EYS: variants seen among roughly 807,000 people sequenced by gnomAD.
EYS encodes protein eyes shut homolog.
Under a neutral mutation model 282.1 loss-of-function variants are expected in EYS, and 250 were observed. That is an observed-to-expected ratio of 0.89 (90% CI 0.80 to 0.98). EYS has a LOEUF of 0.98. Ranked by LOEUF, EYS falls within the 50% of genes least tolerant of loss-of-function variation. The pLI is 0.00. For missense variants in EYS, 4,016 were observed against 3,709.0 expected, an observed-to-expected ratio of 1.08 and a Z score of -2.15; for synonymous variants, 1,355 against 1,282.9, an observed-to-expected ratio of 1.06 and a Z score of -1.20.
At chr6:64,579,699 C>G (rs1431954698) in intron 26 of EYS, among the ~76,000 whole-genome samples, 3 of 152,082 alleles carry the variant, frequency 2.0e-5, no homozygotes, top group African/African-American at 7.2e-5. Flanking sequence ...AATGCCCATT[C>G]TCATTCATAT....
chr6:64,571,941 C>A (rs952456440), intron 26 of EYS, among the ~76,000 whole-genome samples: 1 of 152,096 alleles, frequency 6.6e-6, no homozygotes, highest in Non-Finnish European at 1.5e-5. Context: ...CCAGCATCAT[C>A]CTGATATCAA....
chr6:65,087,142 G>C (rs746719572), intron 12 of EYS, among the ~76,000 whole-genome samples: 1 of 151,794 alleles, frequency 6.6e-6, no homozygotes, highest in African/African-American at 2.4e-5. Flanking sequence ...TTTTTAACGC[G>C]GTAACATAAT....
At chr6:64,531,549 GTTTATTTTATTTTAT>G (rs201525645) in intron 26 of EYS, among the ~76,000 whole-genome samples, 15,395 of 124,088 alleles carry the variant, frequency 0.12, 2,373 homozygotes, top group African/African-American at 0.37. Flanking sequence ...ACCACGCCTG[GTTTATTTTATTTTAT>G]TTTATTTTAT....
intron 29 of EYS, among the ~76,000 whole-genome samples, chr6:64,385,181 G>C (rs1165300357): frequency 6.6e-6 from 1 of 152,038 alleles, no homozygotes; most frequent in Non-Finnish European, 1.5e-5. Flanking sequence ...TATTCAGAAG[G>C]CTGAATTTCC....
At chr6:64,043,897 C>T (rs535161518) in intron 33 of EYS, among the ~76,000 whole-genome samples, 10 of 152,256 alleles carry the variant, frequency 6.6e-5, no homozygotes, top group South Asian at 6.2e-4. Context: ...ATTACTGTTC[C>T]CCTTAAAATA....
At chr6:64,528,850 TC>T (rs1435567168) in intron 26 of EYS, among the ~76,000 whole-genome samples, 1 of 152,018 alleles carries the variant, frequency 6.6e-6, no homozygotes, top group Non-Finnish European at 1.5e-5. Flanking sequence ...TTGGTGAAAA[TC>T]TTACAACGCT....
intron 22 of EYS, among the ~76,000 whole-genome samples, chr6:64,754,820 G>A (rs1012149454): frequency 2.0e-5 from 3 of 151,964 alleles, no homozygotes; most frequent in Non-Finnish European, 2.9e-5. Flanking sequence ...GCCATGTATC[G>A]CAAAGCCAAC....
At chr6:64,997,388 G>A (rs1257645646) in intron 14 of EYS, among the ~76,000 whole-genome samples, 194 bp downstream of exon 14, 1 of 151,862 alleles carries the variant, frequency 6.6e-6, no homozygotes, top group Non-Finnish European at 1.5e-5. Context: ...ATAGAGTGGA[G>A]AATAGAACAT....
intron 22 of EYS, among the ~76,000 whole-genome samples, chr6:64,748,679 A>G (rs1772638358): frequency 6.6e-6 from 1 of 152,246 alleles, no homozygotes; most frequent in African/African-American, 2.4e-5. Context: ...TATATATTGT[A>G]ATTAACCAAG....
chr6:64,322,687 G>T (rs1438949714), intron 29 of EYS, among the ~76,000 whole-genome samples: 1 of 152,034 alleles, frequency 6.6e-6, no homozygotes, highest in Non-Finnish European at 1.5e-5. Flanking sequence ...CTGGAGGATT[G>T]GAATGACAAA....
At chr6:64,079,222 C>A (rs1771876765) in intron 32 of EYS, among the ~76,000 whole-genome samples, 1 of 152,016 alleles carries the variant, frequency 6.6e-6, no homozygotes, top group South Asian at 2.1e-4. Context: ...CTCTCTCTCT[C>A]TTTTAACATA....
At position 65,369,754 on chromosome 6, in the gene EYS, AGT is replaced by A. The variant is rs1387159503; in HGVS notation, c.1299+14630_1299+14631del. ...AACTTGGCTTCTATAGCCAAACGCC[AGT>A]AGCAGCCCTGATCTCTACTTGTGAC... is the stretch of plus-strand genomic sequence containing the variant. On this transcript the variant is annotated intron_variant, in intron 8 of 42. Transcript: ENST00000503581. Among the ~76,000 whole-genome samples the A allele has an allele frequency of 3.7e-3, 559 of 151,810 alleles. 4 individuals carry two copies. Among genetic ancestry groups the A allele is most frequent in the Middle Eastern group, 0.01 (3 of 294 alleles).
intron 2 of EYS, among the ~76,000 whole-genome samples, chr6:65,557,700 G>C (rs1768871171): frequency 1.3e-5 from 2 of 152,164 alleles, no homozygotes; most frequent in Non-Finnish European, 2.9e-5. Flanking sequence ...TCACTCCCGA[G>C]GTTTGGTGGG....
intron 26 of EYS, among the ~76,000 whole-genome samples, chr6:64,448,118 G>A (rs1775180837): frequency 6.6e-6 from 1 of 152,184 alleles, no homozygotes; most frequent in Admixed American, 6.5e-5. Context: ...CAAAGAAAGG[G>A]GTGACAGATG....
At chr6:65,030,519 C>G (rs769591930) in intron 13 of EYS, among the ~76,000 whole-genome samples, 2 of 152,148 alleles carry the variant, frequency 1.3e-5, no homozygotes, top group Non-Finnish European at 2.9e-5. Flanking sequence ...TGTCCACATG[C>G]ATGTACTCCA....
intron 9 of EYS, among the ~76,000 whole-genome samples, chr6:65,345,156 G>A (rs1416653723): frequency 6.6e-6 from 1 of 151,604 alleles, no homozygotes; most frequent in East Asian, 1.9e-4. Flanking sequence ...AAAAGAAGGA[G>A]CTAGGAACCA....
intron 29 of EYS, among the ~76,000 whole-genome samples, chr6:64,315,548 A>C (rs1769922195): frequency 6.6e-6 from 1 of 151,906 alleles, no homozygotes; most frequent in Admixed American, 6.6e-5. Context: ...ATCCAGCCAC[A>C]CATCAAAAAG....
intron 8 of EYS, among the ~76,000 whole-genome samples, chr6:65,371,992 G>GC (rs1562130139): frequency 4.8e-5 from 6 of 123,878 alleles, no homozygotes; most frequent in African/African-American, 2.1e-4. Flanking sequence ...GAGGATAATT[G>GC]TAAAAAAAAA....
At chr6:64,077,025 T>C (rs1053447620) in intron 32 of EYS, among the ~76,000 whole-genome samples, 7 of 151,976 alleles carry the variant, frequency 4.6e-5, no homozygotes, top group African/African-American at 1.4e-4. Flanking sequence ...TCAGAATTTG[T>C]TGAATTTGTC....
Sources: gnomAD v4.1 joint callset for allele counts (sites outside exome capture counted in the v4.1 genomes callset) on GRCh38, gnomAD v4.1.1 for gene constraint, MANE v1.5 for transcripts, NCBI Gene and HGNC (gene_info 2026-07-23, HGNC 2026-07-21) for gene names.